The following RSF1 variants were observed in gnomAD, a reference collection of about 807,000 sequenced individuals.
RSF1 encodes the protein remodeling and spacing factor 1, also known as HBV pX-associated protein 8.
Under a neutral mutation model 145.2 loss-of-function variants are expected in RSF1, and 13 were observed. The observed-to-expected ratio is 0.09, with a 90% confidence interval of 0.06 to 0.14. RSF1 has a LOEUF of 0.14. RSF1 is among the 10% of genes least tolerant of loss of function. RSF1 has a pLI of 1.00. For missense variants in RSF1, 1,517 were observed against 1,718.2 expected (o/e 0.88, Z 2.07); for synonymous variants, 577 against 592.6 (o/e 0.97, Z 0.38).
chr11:77,821,923 A>G (rs907722281), upstream of RSF1, among the ~76,000 whole-genome samples: 1 of 152,030 alleles, frequency 6.6e-6, no homozygotes, highest in Admixed American at 6.6e-5. Context: ...AACTCCTTAG[A>G]GTGGGGTGAT....
At chr11:77,700,361 A>C (rs1465446606) in intron 6 of RSF1, among the ~76,000 whole-genome samples, 112 of 149,556 alleles carry the variant, frequency 7.5e-4, no homozygotes, top group African/African-American at 2.7e-3. Context: ...AAAAAAAAAA[A>C]AAAAAAAAAA....
chr11:77,753,987 G>A (rs554361734), intron 2 of RSF1, among the ~76,000 whole-genome samples: 93 of 152,204 alleles, frequency 6.1e-4, no homozygotes, highest in African/African-American at 2.1e-3. Context: ...CCTAAACTGT[G>A]TTTGAAAAAC....
At chr11:77,691,633 T>A (rs1441340077) in intron 8 of RSF1, 1 of 156,616 alleles carries the variant, frequency 6.4e-6, no homozygotes, top group African/African-American at 2.4e-5. Context: ...AAAACTATTT[T>A]TTAAAAAAGG....
intron 9 of RSF1, among the ~76,000 whole-genome samples, chr11:77,689,285 T>C (rs190030793): frequency 5.6e-4 from 86 of 152,320 alleles, no homozygotes; most frequent in African/African-American, 2.0e-3. Flanking sequence ...TTTTCTGAAA[T>C]AAAGATATAC....
intron 1 of RSF1, among the ~76,000 whole-genome samples, chr11:77,782,113 T>C (rs1948410009): frequency 1.3e-5 from 2 of 152,230 alleles, no homozygotes; most frequent in Admixed American, 1.3e-4. Flanking sequence ...TGAATTTCTA[T>C]AGACAGCATA....
At chr11:77,737,638 G>GTGTGTGTGTGTGTC (rs1256829201) in intron 4 of RSF1, among the ~76,000 whole-genome samples, 1 of 93,346 alleles carries the variant, frequency 1.1e-5, no homozygotes, top group East Asian at 2.4e-4. Flanking sequence ...GTGTGTGTGT[G>GTGTGTGTGTGTGTC]TGTGTGTGTG....
At chr11:77,751,004 C>T (rs1196274573) in intron 2 of RSF1, among the ~76,000 whole-genome samples, 1 of 152,078 alleles carries the variant, frequency 6.6e-6, no homozygotes, top group Non-Finnish European at 1.5e-5. Context: ...GCATCCTGGC[C>T]ACCAGTCTAC....
At chr11:77,751,375 C>A (rs1385054739) in intron 2 of RSF1, among the ~76,000 whole-genome samples, 1 of 152,192 alleles carries the variant, frequency 6.6e-6, no homozygotes, top group Admixed American at 6.5e-5. Flanking sequence ...CTGGAAAAAC[C>A]CAAGGCTCTC....
intron 4 of RSF1, among the ~76,000 whole-genome samples, chr11:77,739,824 T>C (rs1419661648): frequency 1.3e-5 from 2 of 152,204 alleles, no homozygotes; most frequent in Admixed American, 6.5e-5. Flanking sequence ...GATTCTGTAA[T>C]AACGGTTCTA....
At chr11:77,696,896 G>C (rs1382559809) in intron 7 of RSF1, among the ~76,000 whole-genome samples, 2 of 151,978 alleles carry the variant, frequency 1.3e-5, no homozygotes, top group East Asian at 1.9e-4. Context: ...AAAACTACTG[G>C]GTTATGATAA....
At chr11:77,684,327 T>C (rs1462283120) in intron 10 of RSF1, among the ~76,000 whole-genome samples, 4 of 152,198 alleles carry the variant, frequency 2.6e-5, no homozygotes, top group African/African-American at 9.7e-5. Context: ...ACTCATGATA[T>C]ACCCACCTTA....
chr11:77,667,325 A>G lies in RSF1; in HGVS notation c.3918T>C (p.Asp1306=). 4 of 1,613,774 alleles carry G rather than the reference A, an allele frequency of 2.5e-6. No individual in the cohort carries two copies. In the South Asian group the frequency reaches 4.4e-5, roughly 18 times the overall value. Residue 1306 remains aspartate (D), a synonymous_variant, in exon 16 of 16, where the codon GAT becomes GAC. Transcript: ENST00000308488. ...SRKRLHRIET[D]EEESCDNAHG... Reference sequence around the variant, plus strand: ...GAGCATTGTCACAACTCTCCTCCTCATCCGTCTCAATCCGGTGTAGCCGTT... The same window carrying G: ...GAGCATTGTCACAACTCTCCTCCTCGTCCGTCTCAATCCGGTGTAGCCGTT...
rs939578930 is a variant in RSF1 at position 77,820,636 on chromosome 11, A to C, written c.79T>G (p.Cys27Gly). Residue 27 changes from cysteine to glycine, a missense_variant, in exon 1 of 16, where the codon TGC (cysteine) becomes GGC (glycine). By Grantham distance (159) the Cys-to-Gly change is radical. Transcript: ENST00000308488. ...PGSCPNFAVV[C>G]SFLERYGPLL... Reference sequence around the variant, plus strand: ...GGCCCGTAGCGCTCCAAGAAGGAGCAGACTACGGCGAAGTTGGGGCACGAA... The same window carrying C: ...GGCCCGTAGCGCTCCAAGAAGGAGCCGACTACGGCGAAGTTGGGGCACGAA... The C allele has an allele frequency of 1.3e-6, 2 of 1,565,492 alleles. No homozygotes were observed. The highest frequency in any genetic ancestry group is 1.9e-5 in the Admixed American group (1 of 52,102).
intron 4 of RSF1, among the ~76,000 whole-genome samples, chr11:77,737,403 G>T (rs1476211489): frequency 6.6e-6 from 1 of 150,964 alleles, no homozygotes. Context: ...AGCTGAGATC[G>T]CACCACTGCA....
intron 9 of RSF1, among the ~76,000 whole-genome samples, chr11:77,685,836 A>T (rs1959989392): frequency 6.6e-6 from 1 of 152,200 alleles, no homozygotes; most frequent in African/African-American, 2.4e-5. Flanking sequence ...GAAAGTTTTT[A>T]GTAATATTTT....
At chr11:77,694,096 A>T (rs7121559) in intron 7 of RSF1, among the ~76,000 whole-genome samples, 51,110 of 151,834 alleles carry the variant, frequency 0.34, 8,772 homozygotes, top group East Asian at 0.46. Flanking sequence ...GCTAATTTTT[A>T]AAAAAACCTA....
At chr11:77,745,716 A>G (rs778311044) in intron 3 of RSF1, among the ~76,000 whole-genome samples, 2 of 151,102 alleles carry the variant, frequency 1.3e-5, no homozygotes, top group Admixed American at 1.3e-4. Context: ...CACATACTAG[A>G]TTGGAAGAAC....
chr11:77,754,007 C>T (rs548285074), intron 2 of RSF1, among the ~76,000 whole-genome samples: 2 of 152,158 alleles, frequency 1.3e-5, no homozygotes, highest in Non-Finnish European at 2.9e-5. Flanking sequence ...CCCTAGCCCC[C>T]AAATGCTAGA....
chr11:77,787,691 TC>T (rs1948470737), intron 1 of RSF1, among the ~76,000 whole-genome samples: 1 of 152,160 alleles, frequency 6.6e-6, no homozygotes, highest in South Asian at 2.1e-4. Flanking sequence ...TCAATCTCTT[TC>T]CAATCAACTT....
Sources: gnomAD v4.1 joint callset for allele counts (sites outside exome capture counted in the v4.1 genomes callset) on GRCh38, gnomAD v4.1.1 for gene constraint, MANE v1.5 for transcripts, NCBI Gene and HGNC (gene_info 2026-07-23, HGNC 2026-07-21) for gene names.